Variants in MAP4K1 observed in about 807,000 individuals in gnomAD.
MAP4K1 encodes the protein MAPK/ERK kinase kinase kinase 1.
A neutral mutation model predicts 122.8 loss-of-function variants in MAP4K1; 35 were observed. That is an observed-to-expected ratio of 0.29 (90% CI 0.22 to 0.38). MAP4K1 has a LOEUF of 0.38. Among genes scored for constraint, MAP4K1 ranks in the 10% least tolerant of loss-of-function variants. The probability of loss-of-function intolerance (pLI) is 1.00; values close to 1 mark genes in which losing one functional copy is unlikely to be tolerated. For synonymous variants in MAP4K1, 412 were observed against 421.3 expected, an observed-to-expected ratio of 0.98 and a Z score of 0.27; for missense variants, 791 against 1,072.6, an observed-to-expected ratio of 0.74 and a Z score of 3.67.
chr19:38,611,158 G>A (rs1462773802), intron 10 of MAP4K1, 26 bp from the exon 11 acceptor site: 1 of 1,608,418 alleles, frequency 6.2e-7, no homozygotes, highest in African/African-American at 1.3e-5. Flanking sequence ...CCAGGTTCTG[G>A]ATGAGGGGAC....
chr19:38,589,273 A>T, intron 30 of MAP4K1: 1 of 254,978 alleles, frequency 3.9e-6, no homozygotes, highest in South Asian at 3.3e-5. Flanking sequence ...ACTGCACTCC[A>T]GCCTGGGGGA....
Position 38,617,831 on chromosome 19 carries a change from C to T in MAP4K1, c.65G>A (p.Arg22Gln). 1 of 1,614,130 alleles carries T rather than the reference C, an allele frequency of 6.2e-7. No homozygotes were observed. The highest frequency in any genetic ancestry group is 8.5e-7 in the Non-Finnish European group (1 of 1,180,016). The stretch of plus-strand genomic sequence containing the variant: ...TTCCCCATACGTGCCGCCACCCAGC[C>T]GCTGTAGCAGGTCATAGTGGTCCCG... Reference protein sequence around the residue: ...DPRDHYDLLQRLGGGTYGEVF... With the variant: ...DPRDHYDLLQQLGGGTYGEVF... Residue 22 changes from arginine (R) to glutamine (Q), a missense_variant, in exon 1 of 31, where the codon CGG becomes CAG. This residue lies in a region of MAP4K1 where 163 missense variants were observed against 286.1 expected (regional missense o/e 0.57). Coordinates refer to ENST00000396857, the MANE Select transcript of MAP4K1 (RefSeq NM_001042600.3). This position sits in a 1 kb window ranked among gnomAD's most constrained non-coding sequence, Gnocchi z 4.1.
intron 20 of MAP4K1, 86 bp downstream of exon 20, chr19:38,601,355 C>T: frequency 7.9e-7 from 1 of 1,261,186 alleles, no homozygotes; most frequent in Non-Finnish European, 1.1e-6. Context: ...CCGTCCCTGC[C>T]TTTGTGCCTT....
chr19:38,601,593 G>T, intron 19 of MAP4K1, 68 bp from the exon 20 acceptor site: 1 of 1,228,190 alleles, frequency 8.1e-7, no homozygotes, highest in Non-Finnish European at 1.2e-6. Flanking sequence ...AAGGGGCAGT[G>T]GTTACGACTT....
intron 8 of MAP4K1, 105 bp downstream of exon 8, chr19:38,613,775 G>A (rs2144741553): frequency 3.5e-6 from 3 of 846,496 alleles, no homozygotes; most frequent in East Asian, 5.3e-5. Context: ...AAGGAGAAAG[G>A]ACGAGGCAGG....
At position 38,617,945 on chromosome 19, in the gene MAP4K1, G is replaced by C. The variant is rs371787792; in HGVS notation, c.-50C>G. The stretch of plus-strand genomic sequence containing the variant: ...CGCCCAGGGGCCAGCAGGGCCTCAG[G>C]GCTCAACTTCTGGCACCTCCCTCCG... On this transcript the variant is annotated 5_prime_UTR_variant, in exon 1 of 31. Coordinates refer to ENST00000396857, the MANE Select transcript of MAP4K1 (RefSeq NM_001042600.3). The surrounding 1 kb of genome is among the most constrained non-coding windows in gnomAD (Gnocchi z 4.1). 5.3e-6 allele frequency: 8 copies of C among 1,520,646 alleles called. No individual in the cohort carries two copies. In the African/African-American group the frequency reaches 5.5e-5, roughly 10 times the overall value. 94.2% of individuals were successfully genotyped at this position (1,520,646 alleles called of 1,614,324 possible). A position where few individuals can be genotyped will look rare whatever the true frequency, so the allele number is the denominator to read the frequency against.
Position 38,612,715 on chromosome 19 carries a change from G to A in MAP4K1, c.561C>T (p.Ala187=), listed in dbSNP as rs566134050. The A allele has an allele frequency of 6.2e-7, 1 of 1,613,590 alleles. No homozygotes were observed. Among genetic ancestry groups the A allele is most frequent in the South Asian group, 1.1e-5 (1 of 91,048 alleles). ...YWMAPEVAAV[A]LKGGYNELCD... is the part of the protein sequence containing the mutation. The stretch of plus-strand genomic sequence containing the variant: ...ACAGCTCATTGTATCCTCCCTTCAG[G>A]GCCACAGCTGCCACTTCCGGAGCCA... Residue 187 remains alanine (A), a synonymous_variant, in exon 9 of 31, where the codon GCC becomes GCT. Coordinates refer to ENST00000396857, the MANE Select transcript of MAP4K1 (RefSeq NM_001042600.3).
At chr19:38,603,330 A>G (rs933707624) in intron 19 of MAP4K1, among the ~76,000 whole-genome samples, 6 of 151,182 alleles carry the variant, frequency 4.0e-5, no homozygotes, top group African/African-American at 1.5e-4. Flanking sequence ...GTACATATAT[A>G]CGCATATACA....
At chr19:38,605,763 C>A (rs747783974) in intron 17 of MAP4K1, 33 bp from the exon 18 acceptor site, 3 of 1,586,250 alleles carry the variant, frequency 1.9e-6, no homozygotes, top group Non-Finnish European at 1.7e-6. Context: ...TGGGGAAATA[C>A]ATCAGATGAT....
intron 30 of MAP4K1, among the ~76,000 whole-genome samples, chr19:38,592,696 TC>T (rs1312925930): frequency 1.3e-5 from 2 of 152,030 alleles, no homozygotes; most frequent in Non-Finnish European, 2.9e-5. Context: ...GGCAGGTGGA[TC>T]ACCGAGGTCA....
At chr19:38,614,162 T>C in intron 6 of MAP4K1, 77 bp from the exon 7 acceptor site, 1 of 1,606,748 alleles carries the variant, frequency 6.2e-7, no homozygotes, top group Non-Finnish European at 8.5e-7. Context: ...CAGCTCAAAC[T>C]ACCCTGATCC....
chr19:38,596,603 C>A, intron 25 of MAP4K1, 117 bp from the exon 26 acceptor site: 1 of 891,624 alleles, frequency 1.1e-6, no homozygotes, highest in Non-Finnish European at 1.6e-6. Context: ...TGGGGGATGC[C>A]GTCTAGAAAT....
intron 29 of MAP4K1, 128 bp downstream of exon 29, chr19:38,595,357 C>T: frequency 2.8e-6 from 2 of 722,844 alleles, no homozygotes; most frequent in Non-Finnish European, 4.6e-6. Flanking sequence ...TCTATCTGAA[C>T]TGAAATTTGG....
intron 4 of MAP4K1, 87 bp from the exon 5 acceptor site, chr19:38,614,532 G>A: frequency 1.4e-6 from 2 of 1,444,930 alleles, no homozygotes; most frequent in South Asian, 1.1e-5. Flanking sequence ...CACCAGCTAA[G>A]AGGGTGCCAT....
chr19:38,607,745 GC>G, intron 16 of MAP4K1, 118 bp downstream of exon 16: 1 of 1,118,598 alleles, frequency 8.9e-7, no homozygotes, highest in Non-Finnish European at 1.3e-6. Context: ...AGGGCTCGGG[GC>G]TAGAAGAAAG....
At chr19:38,592,568 CTG>C (rs1974759575) in intron 30 of MAP4K1, 2 of 144,820 alleles carry the variant, frequency 1.4e-5, no homozygotes, top group African/African-American at 5.1e-5. Flanking sequence ...CAGCGAGACT[CTG>C]TGTCAAAAAT....
rs552842804 is a variant in MAP4K1, at chr19:38,615,398, G to GACA, written c.313+794_313+796dup. Among the ~76,000 whole-genome samples, 115 of 151,972 alleles carry GACA rather than the reference G, an allele frequency of 7.6e-4. 1 individual carries two copies. Among genetic ancestry groups the GACA allele is most frequent in the African/African-American group, 2.6e-3 (107 of 41,464 alleles). On this transcript the variant is annotated intron_variant, in intron 4 of 30. Coordinates refer to ENST00000396857, the MANE Select transcript of MAP4K1 (RefSeq NM_001042600.3). ...AAGGAAAGGCACAGAGACAGAGAGAGACAGAGAAACGGAGACAGATCATAC... is the reference window on the plus strand; with the variant it reads ...AAGGAAAGGCACAGAGACAGAGAGAGACAACAGAGAAACGGAGACAGATCATAC...
rs1455593909 is a variant in MAP4K1, at chr19:38,616,239, C to A, written c.269G>T (p.Cys90Phe). 6.2e-7 allele frequency: 1 copy of A among 1,613,396 alleles called. No individual in the cohort carries two copies. Among genetic ancestry groups the A allele is most frequent in the Admixed American group, 1.7e-5 (1 of 59,814 alleles). ...AGAACCAGCCCCACAGAATTCCATGCAGATCCAGAGTTTCTGCAACCTGCA... is the reference window on the plus strand; with the variant it reads ...AGAACCAGCCCCACAGAATTCCATGAAGATCCAGAGTTTCTGCAACCTGCA... ...SYLWLQKLWI[C>F]MEFCGAGSLQ... The change falls in exon 4 of 31, where the codon TGC (cysteine) becomes TTC (phenylalanine). Residue 90 changes from cysteine to phenylalanine, a missense_variant. This residue lies in a region of MAP4K1 where 163 missense variants were observed against 286.1 expected (regional missense o/e 0.57). Transcript: ENST00000396857.
intron 19 of MAP4K1, 119 bp downstream of exon 19, chr19:38,605,290 G>T (rs1975290278): frequency 1.3e-6 from 1 of 749,082 alleles, no homozygotes; most frequent in Non-Finnish European, 2.3e-6. Flanking sequence ...GTAGGGCACA[G>T]AGAAGCGCTC....
Sources: allele counts gnomAD v4.1 joint callset (sites outside exome capture counted in the v4.1 genomes callset), GRCh38; gene constraint gnomAD v4.1.1; regional missense constraint gnomAD v4.1.1; non-coding constraint Gnocchi (gnomAD v3.1); transcripts MANE v1.5; gene names NCBI Gene and HGNC (gene_info 2026-07-23, HGNC 2026-07-21).